Variants in UBR2 observed in about 807,000 individuals in gnomAD.
UBR2 encodes the protein ubiquitin protein ligase E3 component n-recognin 2, also known as E3 ubiquitin-protein ligase UBR2.
A neutral mutation model predicts 247.9 loss-of-function variants in UBR2; 92 were observed. The ratio of observed to expected loss-of-function variants is 0.37; its 90% CI spans 0.31 to 0.44. The LOEUF (loss-of-function observed/expected upper bound fraction) is 0.44. Ranked by LOEUF, UBR2 falls within the 20% of genes least tolerant of loss-of-function variation. UBR2 has a pLI of 1.00. For missense variants in UBR2, 1,613 were observed against 2,112.6 expected (o/e 0.76, Z 4.64); for synonymous variants, 672 against 693.5 (o/e 0.97, Z 0.49).
chr6:42,652,391 T>G, intron 24 of UBR2, 100 bp from the exon 25 acceptor site: 1 of 1,331,400 alleles, frequency 7.5e-7, no homozygotes, highest in South Asian at 1.5e-5. Context: ...AGGTGTGTGT[T>G]AATGAATATT....
intron 38 of UBR2, 78 bp from the exon 39 acceptor site, chr6:42,675,978 G>A (rs1798698140): frequency 1.3e-6 from 2 of 1,497,144 alleles, no homozygotes; most frequent in Middle Eastern, 1.8e-4. Flanking sequence ...CAAAATAAAA[G>A]TAAAAGTAAG....
chr6:42,585,749 G>A (rs1272518642), intron 2 of UBR2, among the ~76,000 whole-genome samples: 2 of 152,110 alleles, frequency 1.3e-5, no homozygotes, highest in Non-Finnish European at 2.9e-5. Context: ...TTTGATGTCT[G>A]TGGTGTCTAT....
Position 42,652,542 on chromosome 6 carries a change from T to G in UBR2, c.2666T>G (p.Val889Gly). The G allele has an allele frequency of 6.2e-7, 1 of 1,613,384 alleles. No individual in the cohort carries two copies. Among genetic ancestry groups the G allele is most frequent in the South Asian group, 1.1e-5 (1 of 90,730 alleles). Residue 889 changes from valine to glycine, a missense_variant, in exon 25 of 47, where the codon GTT becomes GGT. Physicochemically the swap from Val to Gly is moderately radical, Grantham distance 109 (BLOSUM62 -3). Coordinates refer to ENST00000372901, the MANE Select transcript of UBR2 (RefSeq NM_001363705.2). Reference sequence around the variant, plus strand: ...TTCTGCCCTCTGTTTGCAAGCCTGGTTAACATTTTGCAGTCAGATGTCATG... The same window carrying G: ...TTCTGCCCTCTGTTTGCAAGCCTGGGTAACATTTTGCAGTCAGATGTCATG... ...PPFCPLFASL[V>G]NILQSDVMLC... is the part of the protein sequence containing the mutation.
chr6:42,599,020 C>G (rs1793180323), intron 4 of UBR2, among the ~76,000 whole-genome samples: 1 of 152,110 alleles, frequency 6.6e-6, no homozygotes, highest in Non-Finnish European at 1.5e-5. Flanking sequence ...CTCCTGAACT[C>G]AAGCAGAGTC....
At chr6:42,572,139 C>T (rs1041528875) in intron 1 of UBR2, among the ~76,000 whole-genome samples, 1 of 152,076 alleles carries the variant, frequency 6.6e-6, no homozygotes, top group African/African-American at 2.4e-5. Flanking sequence ...CTCTTTCCTA[C>T]TTGCATAATG....
At chr6:42,611,099 G>C (rs1334616059) in intron 7 of UBR2, among the ~76,000 whole-genome samples, 10 of 148,414 alleles carry the variant, frequency 6.7e-5, no homozygotes, top group Non-Finnish European at 1.5e-4. Context: ...GCCTGCCTCA[G>C]CCTTCCAAAG....
chr6:42,659,967 G>A lies in UBR2; in HGVS notation c.3442+112G>A, dbSNP rs962899172. 5 of 1,070,560 alleles carry A rather than the reference G, an allele frequency of 4.7e-6. No individual in the cohort carries two copies. Among genetic ancestry groups the A allele is most frequent in the East Asian group, 5.2e-5 (2 of 38,808 alleles). 66.3% of individuals were successfully genotyped at this position (1,070,560 alleles called of 1,614,324 possible). Reference sequence around the variant, plus strand: ...AAAAATAACTCCATGGACTTGGATGGTATCTTTGGCAGGTAACTTAGGCAG... The same window carrying A: ...AAAAATAACTCCATGGACTTGGATGATATCTTTGGCAGGTAACTTAGGCAG... On this transcript the variant is annotated intron_variant, in intron 30 of 46. Coordinates refer to ENST00000372901, the MANE Select transcript of UBR2 (RefSeq NM_001363705.2). The surrounding 1 kb of genome is among the most constrained non-coding windows in gnomAD (Gnocchi z 4.3).
At position 42,676,934 on chromosome 6, in the gene UBR2, A is replaced by G. The variant is rs1432082169; in HGVS notation, c.4478+61A>G. 12 of 1,368,222 alleles carry G rather than the reference A, an allele frequency of 8.8e-6. No individual in the cohort carries two copies. The East Asian group carries it at 2.5e-4, about 29-fold the overall frequency. 84.8% of individuals were successfully genotyped at this position (1,368,222 alleles called of 1,614,324 possible). A position where few individuals can be genotyped will look rare whatever the true frequency, so the allele number is the denominator to read the frequency against. ...AATATTGCTAGATGATGATAGCATG[A>G]GAAAGGAATTCGTTTGTTAATTAGG... On this transcript the variant is annotated intron_variant, in intron 40 of 46. Transcript: ENST00000372901.
chr6:42,616,139 G>A, intron 10 of UBR2, 49 bp downstream of exon 10: 2 of 1,328,762 alleles, frequency 1.5e-6, no homozygotes, highest in Non-Finnish European at 2.1e-6. Flanking sequence ...GAGTAACTAT[G>A]CCCATAATTA....
In UBR2 at chr6:42,659,897, C is replaced by T; in HGVS notation, c.3442+42C>T. 1.3e-6 allele frequency: 2 copies of T among 1,581,184 alleles called. No individual in the cohort carries two copies. The highest frequency in any genetic ancestry group is 2.2e-5 in the East Asian group (1 of 44,560). ...TCCTCATCTTCCCTTTTAATAACAA[C>T]TGCCAGTTAATGTGGTTGGTGATAC... On this transcript the variant is annotated intron_variant, in intron 30 of 46. Coordinates refer to ENST00000372901, the MANE Select transcript of UBR2 (RefSeq NM_001363705.2). This position sits in a 1 kb window ranked among gnomAD's most constrained non-coding sequence, Gnocchi z 4.3.
intron 45 of UBR2, 107 bp downstream of exon 45, chr6:42,688,493 GTGTGA>G: frequency 1.5e-6 from 2 of 1,313,048 alleles, no homozygotes; most frequent in Non-Finnish European, 2.1e-6. Context: ...CTACTGTTCC[GTGTGA>G]TTCATTCCAG....
Position 42,601,201 on chromosome 6 carries a change from A to G in UBR2, c.532-2387A>G, listed in dbSNP as rs1367512735. On this transcript the variant is annotated intron_variant, in intron 4 of 46. Coordinates refer to ENST00000372901, the MANE Select transcript of UBR2 (RefSeq NM_001363705.2). The stretch of plus-strand genomic sequence containing the variant: ...GACTGTTTGGTGAGATAATAGTACC[A>G]GGAAAGCTGAATTTTGATTCCACTT... 2.0e-5 allele frequency among the ~76,000 whole-genome samples: 3 copies of G among 152,208 alleles called. No individual in the cohort carries two copies. The East Asian group carries it at 5.8e-4, about 29-fold the overall frequency.
At chr6:42,686,490 C>T (rs1033648138) in intron 44 of UBR2, among the ~76,000 whole-genome samples, 1 of 152,044 alleles carries the variant, frequency 6.6e-6, no homozygotes, top group Admixed American at 6.6e-5. Flanking sequence ...TCTACACAGA[C>T]ACAGTAACAA....
intron 2 of UBR2, among the ~76,000 whole-genome samples, chr6:42,583,864 C>T (rs1792076193): frequency 6.6e-6 from 1 of 152,014 alleles, no homozygotes; most frequent in Non-Finnish European, 1.5e-5. Context: ...TGATTTTAGA[C>T]TTTATGTCTG....
intron 1 of UBR2, among the ~76,000 whole-genome samples, chr6:42,570,679 T>A (rs1420380308): frequency 6.6e-6 from 1 of 151,750 alleles, no homozygotes; most frequent in East Asian, 1.9e-4. Context: ...GCTAGTTTTT[T>A]TTTTGTTGTT....
intron 2 of UBR2, among the ~76,000 whole-genome samples, chr6:42,577,008 G>A (rs1468318842): frequency 6.6e-6 from 1 of 152,136 alleles, no homozygotes; most frequent in Non-Finnish European, 1.5e-5. Context: ...TTGTTGAGAG[G>A]GTTAGTGAGA....
intron 11 of UBR2, chr6:42,619,415 A>G (rs1430662124): frequency 3.6e-4 from 4 of 11,110 alleles, no homozygotes; most frequent in African/African-American, 1.6e-3. Context: ...TTATGAACAT[A>G]TATATATATA....
chr6:42,615,792 T>G (rs1402188636), intron 9 of UBR2, among the ~76,000 whole-genome samples: 5 of 149,380 alleles, frequency 3.3e-5, no homozygotes, highest in African/African-American at 1.2e-4. Context: ...GGCATGGTGG[T>G]TCACATTTGT....
At chr6:42,684,026 G>A (rs746053864) in intron 43 of UBR2, among the ~76,000 whole-genome samples, 13 of 152,160 alleles carry the variant, frequency 8.5e-5, no homozygotes, top group Non-Finnish European at 1.6e-4. Context: ...AATTTTATTA[G>A]TTTGGACCAC....
Sources: gnomAD v4.1 joint callset for allele counts (sites outside exome capture counted in the v4.1 genomes callset) on GRCh38, gnomAD v4.1.1 for gene constraint, Gnocchi (gnomAD v3.1) non-coding constraint, MANE v1.5 for transcripts, NCBI Gene and HGNC (gene_info 2026-07-23, HGNC 2026-07-21) for gene names.